The following NBAS variants were observed in gnomAD, a reference collection of about 807,000 sequenced individuals.
NBAS encodes the protein NAG/BC035112 fusion.
A neutral mutation model predicts 302.5 loss-of-function variants in NBAS; 219 were observed. The observed-to-expected ratio is 0.72, with a 90% CI of 0.65 to 0.81. The LOEUF is 0.81. Ranked by LOEUF, NBAS falls within the 30% of genes least tolerant of loss-of-function variation. The probability of loss-of-function intolerance (pLI) is 0.00; values close to 1 mark genes in which losing one functional copy is unlikely to be tolerated. For synonymous variants in NBAS, 1,118 were observed against 1,021.6 expected (o/e 1.09, Z -1.80); for missense variants, 2,932 against 2,841.6 (o/e 1.03, Z -0.72).
the NBAS span, among the ~76,000 whole-genome samples, chr2:15,135,984 G>C: frequency 6.6e-6 from 1 of 152,118 alleles, no homozygotes; most frequent in Admixed American, 6.5e-5. Flanking sequence ...GGTTGAAGAA[G>C]CATGCTGTGG....
chr2:14,822,304 C>A, the NBAS span, among the ~76,000 whole-genome samples: 11,042 of 152,050 alleles, frequency 0.073, 1,119 homozygotes, highest in African/African-American at 0.22. Context: ...CTTGAGTTAT[C>A]AATTTTTCCC....
chr2:15,532,533 G>A (rs1372416946), intron 9 of NBAS, among the ~76,000 whole-genome samples: 1 of 150,078 alleles, frequency 6.7e-6, no homozygotes, highest in Non-Finnish European at 1.5e-5. Context: ...GATATAACAG[G>A]ATTTAACATA....
chr2:15,551,442 A>G, intron 6 of NBAS, 51 bp downstream of exon 6: 1 of 1,208,908 alleles, frequency 8.3e-7, no homozygotes, highest in East Asian at 2.4e-5. Context: ...AACATTGGAA[A>G]CCATTGCGCA....
intron 48 of NBAS, among the ~76,000 whole-genome samples, chr2:15,195,253 A>T (rs1665563634): frequency 6.6e-6 from 1 of 152,188 alleles, no homozygotes; most frequent in South Asian, 2.1e-4. Flanking sequence ...TGATGCTCTG[A>T]ATGGATTAAG....
At chr2:15,384,350 T>G (rs1675185799) in intron 28 of NBAS, among the ~76,000 whole-genome samples, 2 of 152,214 alleles carry the variant, frequency 1.3e-5, no homozygotes, top group Non-Finnish European at 2.9e-5. Context: ...ACTTCAGTGA[T>G]AAACAATAAA....
At chr2:15,345,508 C>A (rs1331113342) in intron 35 of NBAS, among the ~76,000 whole-genome samples, 1 of 152,116 alleles carries the variant, frequency 6.6e-6, no homozygotes, top group Non-Finnish European at 1.5e-5. Context: ...AGAGAGGACA[C>A]AAACAAATGG....
rs528617148 is a variant in NBAS at position 15,247,189 on chromosome 2, G to C, written c.5725-8503C>G. Among the ~76,000 whole-genome samples the C allele has an allele frequency of 3.9e-5, 6 of 152,244 alleles. No individual in the cohort carries two copies. In the East Asian group the frequency reaches 1.2e-3, roughly 29 times the overall value. ...GTGTCCAGATCCAGACGCCAAGAGA[G>C]GGTTTCTGGATCTCGCTCAAGAAAG... On this transcript the variant is annotated intron_variant, in intron 44 of 51. Transcript: ENST00000281513.
At chr2:15,010,669 A>AATATTC in the NBAS span, among the ~76,000 whole-genome samples, 1 of 152,238 alleles carries the variant, frequency 6.6e-6, no homozygotes, top group Non-Finnish European at 1.5e-5. Flanking sequence ...TTTTACAAGA[A>AATATTC]ATATTCATAT....
the NBAS span, among the ~76,000 whole-genome samples, chr2:14,789,265 C>A: frequency 6.6e-6 from 1 of 152,194 alleles, no homozygotes; most frequent in East Asian, 1.9e-4. Context: ...AAAGGGAACT[C>A]CCCGACCCCT....
Position 15,202,915 on chromosome 2 carries a change from T to C in NBAS, c.6433-12512A>G, listed in dbSNP as rs540879272. Among the ~76,000 whole-genome samples the C allele has an allele frequency of 4.6e-5, 7 of 152,332 alleles. No homozygotes were observed. The South Asian group carries it at 1.5e-3, about 32-fold the overall frequency. ...TGAGTTAAATTTGATGAAGTTTTAATAGAATAATTCATACAGCTGAAAATT... is the reference window on the plus strand; with the variant it reads ...TGAGTTAAATTTGATGAAGTTTTAACAGAATAATTCATACAGCTGAAAATT... On this transcript the variant is annotated intron_variant, in intron 48 of 51. Coordinates refer to ENST00000281513, the MANE Select transcript of NBAS (RefSeq NM_015909.4).
the NBAS span, among the ~76,000 whole-genome samples, chr2:14,901,790 G>C: frequency 2.0e-5 from 3 of 152,194 alleles, no homozygotes; most frequent in East Asian, 5.8e-4. Context: ...TCAGACTAGA[G>C]TTAGCTCTCT....
chr2:15,521,700 G>A (rs539942579), intron 9 of NBAS, among the ~76,000 whole-genome samples: 2 of 152,122 alleles, frequency 1.3e-5, no homozygotes, highest in East Asian at 3.9e-4. Context: ...AGGGTGTTTG[G>A]CTTTAAAAAC....
At chr2:14,989,293 A>ATGTGTGTGTGTGTGTGTGTG in the NBAS span, among the ~76,000 whole-genome samples, 1,290 of 148,080 alleles carry the variant, frequency 8.7e-3, 6 homozygotes, top group Middle Eastern at 0.014. Flanking sequence ...ATGTATGTGT[A>ATGTGTGTGTGTGTGTGTGTG]TGTGTGTGTG....
chr2:14,943,029 T>C, the NBAS span, among the ~76,000 whole-genome samples: 4 of 152,244 alleles, frequency 2.6e-5, no homozygotes, highest in African/African-American at 9.6e-5. Context: ...GGTTTTATTA[T>C]GGCTAATGAA....
At chr2:15,090,223 T>G in the NBAS span, among the ~76,000 whole-genome samples, 4 of 152,192 alleles carry the variant, frequency 2.6e-5, no homozygotes, top group African/African-American at 9.6e-5. Flanking sequence ...ACAAAAAGGT[T>G]GTGAGAGTCA....
chr2:15,388,753 G>T (rs1675435594), intron 28 of NBAS, among the ~76,000 whole-genome samples: 2 of 152,032 alleles, frequency 1.3e-5, no homozygotes, highest in Non-Finnish European at 1.5e-5. Flanking sequence ...CATCAACAGA[G>T]AATGTATAAA....
the NBAS span, among the ~76,000 whole-genome samples, chr2:14,799,292 C>G: frequency 6.6e-6 from 1 of 151,868 alleles, no homozygotes; most frequent in Non-Finnish European, 1.5e-5. Flanking sequence ...TTTGTTTTCC[C>G]TTTTGATTTC....
At chr2:15,264,033 T>C (rs542439164) in intron 44 of NBAS, among the ~76,000 whole-genome samples, 82 of 152,258 alleles carry the variant, frequency 5.4e-4, no homozygotes, top group African/African-American at 1.9e-3. Flanking sequence ...TGTCTGTAAG[T>C]TTGAAAGGTA....
rs1655822637 is a variant in NBAS, at chr2:15,544,815, T to A, written c.380-5459A>T. On this transcript the variant is annotated intron_variant, in intron 6 of 51. Coordinates refer to ENST00000281513, the MANE Select transcript of NBAS (RefSeq NM_015909.4). ...TAACGAGGTCAGGAGTTCGAGACCA[T>A]CCTGTCCAAAATGGTGAAATCCTAT... 2.0e-5 allele frequency among the ~76,000 whole-genome samples: 3 copies of A among 152,100 alleles called. No individual in the cohort carries two copies. The South Asian group carries it at 6.2e-4, about 32-fold the overall frequency.
Sources: gnomAD v4.1 joint callset for allele counts (sites outside exome capture counted in the v4.1 genomes callset) on GRCh38, gnomAD v4.1.1 for gene constraint, MANE v1.5 for transcripts, NCBI Gene and HGNC (gene_info 2026-07-23, HGNC 2026-07-21) for gene names.